The following GALNT13 variants were observed in gnomAD, a reference collection of about 807,000 sequenced individuals.
GALNT13 encodes UDP-GalNAc:polypeptide N-acetylgalactosaminyltransferase 13.
In GALNT13, 28 loss-of-function variants were observed where a neutral mutation model predicts 64.2. The observed-to-expected ratio is 0.44, with a 90% confidence interval of 0.32 to 0.60. The LOEUF (loss-of-function observed/expected upper bound fraction) is 0.60. GALNT13 is among the 20% of genes least tolerant of loss of function. The probability of loss-of-function intolerance (pLI) is 0.05; values close to 1 mark genes in which losing one functional copy is unlikely to be tolerated. For synonymous variants in GALNT13, 214 were observed against 224.6 expected, an observed-to-expected ratio of 0.95 and a Z score of 0.42; for missense variants, 577 against 669.8, an observed-to-expected ratio of 0.86 and a Z score of 1.53.
At chr2:153,851,187 A>G in the GALNT13 span, among the ~76,000 whole-genome samples, 1 of 152,168 alleles carries the variant, frequency 6.6e-6, no homozygotes, top group Admixed American at 6.5e-5. Context: ...AAGAAAGACA[A>G]AGATCAAAGT....
intron 4 of GALNT13, among the ~76,000 whole-genome samples, chr2:154,214,954 C>T (rs755779825): frequency 2.6e-5 from 4 of 152,156 alleles, no homozygotes; most frequent in Non-Finnish European, 5.9e-5. Flanking sequence ...TATGACAGCA[C>T]TCACTCAAAC....
the GALNT13 span, among the ~76,000 whole-genome samples, chr2:153,605,246 G>A: frequency 6.6e-6 from 1 of 152,022 alleles, no homozygotes; most frequent in Non-Finnish European, 1.5e-5. Flanking sequence ...TAATAGATAG[G>A]CTCTTTACAC....
chr2:153,719,450 G>A, the GALNT13 span, among the ~76,000 whole-genome samples: 1 of 152,132 alleles, frequency 6.6e-6, no homozygotes, highest in South Asian at 2.1e-4. Context: ...CTAATATGGG[G>A]GGAGGAGCCA....
At chr2:154,146,134 G>A (rs2105599866) in intron 4 of GALNT13, among the ~76,000 whole-genome samples, 1 of 140,792 alleles carries the variant, frequency 7.1e-6, no homozygotes, top group East Asian at 2.0e-4. Context: ...ATGTGTGTGT[G>A]TGTATATATA....
At chr2:153,979,427 TA>T (rs1384927846) in intron 3 of GALNT13, among the ~76,000 whole-genome samples, 1 of 152,084 alleles carries the variant, frequency 6.6e-6, no homozygotes, top group Non-Finnish European at 1.5e-5. Flanking sequence ...AGGAATGAAT[TA>T]AAAATAGATT....
the GALNT13 span, among the ~76,000 whole-genome samples, chr2:153,489,082 G>A: frequency 1.3e-5 from 2 of 152,148 alleles, no homozygotes; most frequent in South Asian, 4.1e-4. Flanking sequence ...TGTACATATG[G>A]ACATAGGGAG....
chr2:153,522,340 A>C, the GALNT13 span, among the ~76,000 whole-genome samples: 1 of 151,978 alleles, frequency 6.6e-6, no homozygotes, highest in East Asian at 1.9e-4. Context: ...CTCAAGGAGA[A>C]AAAAATAAAG....
chr2:153,846,902 A>G, the GALNT13 span, among the ~76,000 whole-genome samples: 1 of 152,144 alleles, frequency 6.6e-6, no homozygotes, highest in Non-Finnish European at 1.5e-5. Flanking sequence ...GAATCAGATA[A>G]CCTGAAGAGG....
intron 3 of GALNT13, among the ~76,000 whole-genome samples, chr2:154,010,406 A>T (rs545526679): frequency 6.6e-6 from 1 of 152,300 alleles, no homozygotes; most frequent in East Asian, 1.9e-4. Context: ...TAATTTGCCT[A>T]TGTTGAACCA....
intron 4 of GALNT13, among the ~76,000 whole-genome samples, chr2:154,188,861 T>C (rs550423313): frequency 1.4e-4 from 22 of 152,300 alleles, no homozygotes; most frequent in African/African-American, 5.1e-4. Flanking sequence ...TTTTTAAGAC[T>C]GTAGTTTGAC....
intron 7 of GALNT13, among the ~76,000 whole-genome samples, chr2:154,249,811 T>A (rs1689975761): frequency 6.6e-6 from 1 of 152,170 alleles, no homozygotes; most frequent in South Asian, 2.1e-4. Flanking sequence ...AGACCTATTT[T>A]ACCTAATTTT....
At chr2:153,183,322 G>GT in the GALNT13 span, among the ~76,000 whole-genome samples, 5 of 151,662 alleles carry the variant, frequency 3.3e-5, no homozygotes, top group South Asian at 4.2e-4. Context: ...TTTTTAATGG[G>GT]TTTTTTTTCT....
chr2:154,202,987 G>A (rs1340967602), intron 4 of GALNT13, among the ~76,000 whole-genome samples: 3 of 152,016 alleles, frequency 2.0e-5, no homozygotes, highest in African/African-American at 7.2e-5. Context: ...ATGAAATGGG[G>A]CCTGGAAGCC....
Position 154,453,156 on chromosome 2 carries a change from T to G in GALNT13, c.*2605T>G, listed in dbSNP as rs1251948381. 1 of 152,152 alleles carries G rather than the reference T, an allele frequency of 6.6e-6. No homozygotes were observed. The highest frequency in any genetic ancestry group is 1.5e-5 in the Non-Finnish European group (1 of 68,032). 9.4% of individuals were successfully genotyped at this position (152,152 alleles called of 1,614,324 possible). A position where few individuals can be genotyped will look rare whatever the true frequency, so the allele number is the denominator to read the frequency against. On this transcript the variant is annotated 3_prime_UTR_variant, in exon 13 of 13. Coordinates refer to ENST00000392825, the MANE Select transcript of GALNT13 (RefSeq NM_052917.4). ...AATCGCAATATGCTTATTATTTAGTTCCCTAATTTCCCAGTCCTTGTCTTG... is the reference window on the plus strand; with the variant it reads ...AATCGCAATATGCTTATTATTTAGTGCCCTAATTTCCCAGTCCTTGTCTTG...
chr2:154,133,132 A>G (rs1682721650), intron 3 of GALNT13, among the ~76,000 whole-genome samples: 1 of 152,138 alleles, frequency 6.6e-6, no homozygotes, highest in Non-Finnish European at 1.5e-5. Context: ...ATTTAGGAAG[A>G]GATTGTGAGC....
chr2:153,402,991 G>A, the GALNT13 span, among the ~76,000 whole-genome samples: 1 of 151,966 alleles, frequency 6.6e-6, no homozygotes, highest in East Asian at 1.9e-4. Flanking sequence ...TCCTTTGGAG[G>A]AGGAGAGGCA....
intron 8 of GALNT13, among the ~76,000 whole-genome samples, chr2:154,291,606 C>T (rs957151509): frequency 6.6e-5 from 10 of 152,212 alleles, no homozygotes; most frequent in African/African-American, 1.2e-4. Context: ...CGGGGCCCAC[C>T]GAACCCATGC....
chr2:153,257,485 T>C, the GALNT13 span, among the ~76,000 whole-genome samples: 110 of 152,196 alleles, frequency 7.2e-4, no homozygotes, highest in Admixed American at 1.8e-3. Flanking sequence ...CTCTAACAGG[T>C]ACTCTTAAAT....
At chr2:153,793,468 CTT>C in the GALNT13 span, among the ~76,000 whole-genome samples, 1 of 152,050 alleles carries the variant, frequency 6.6e-6, no homozygotes, top group African/African-American at 2.4e-5. Flanking sequence ...CTTCTTAATC[CTT>C]TAATGGTGCA....
Sources: gnomAD v4.1 joint callset for allele counts (sites outside exome capture counted in the v4.1 genomes callset) on GRCh38, gnomAD v4.1.1 for gene constraint, MANE v1.5 for transcripts, NCBI Gene and HGNC (gene_info 2026-07-23, HGNC 2026-07-21) for gene names.